Variants in OBSL1 observed in about 807,000 individuals in gnomAD.
The protein encoded by OBSL1 is obscurin like cytoskeletal adaptor 1, also known as obscurin-like protein 1.
Under a neutral mutation model 172.0 loss-of-function variants are expected in OBSL1, and 160 were observed. That is an observed-to-expected ratio of 0.93 (90% CI 0.82 to 1.06). The LOEUF (loss-of-function observed/expected upper bound fraction) is 1.06, where lower values mean the gene tolerates loss of function less well. Among genes scored for constraint, OBSL1 ranks in the 50% least tolerant of loss-of-function variants. The pLI, the probability that OBSL1 is intolerant of heterozygous loss-of-function variation, is 0.00. For synonymous variants in OBSL1, 1,200 were observed against 1,196.3 expected (o/e 1.00, Z -0.06); for missense variants, 2,681 against 2,715.4 (o/e 0.99, Z 0.28).
intron 15 of OBSL1, among the ~76,000 whole-genome samples, chr2:219,553,981 C>T (rs1257393980): frequency 6.6e-6 from 1 of 151,608 alleles, no homozygotes; most frequent in Non-Finnish European, 1.5e-5. Context: ...GCAGAGATGC[C>T]AGTGGAGTGG....
In OBSL1 at chr2:219,552,543, T is replaced by G; in HGVS notation, c.5301A>C (p.Arg1767=). Residue 1767 remains arginine, a synonymous_variant, in exon 18 of 21, where the codon CGA becomes CGC. Transcript: ENST00000404537. ...PLRPGARVRI[R]QEGKKHILVL... ...GTAACCAGGCGGGCAGACCTTCCTG[T>G]CGGATGCGGACGCGGGCTCCGGGTC... 3.1e-6 allele frequency: 5 copies of G among 1,596,246 alleles called. No individual in the cohort carries two copies. The highest frequency in any genetic ancestry group is 4.2e-6 in the Non-Finnish European group (5 of 1,177,734).
rs1574574428 is a variant in OBSL1, at chr2:219,567,553, T to C, written c.1557A>G (p.Gly519=). 1 of 1,609,100 alleles carries C rather than the reference T, an allele frequency of 6.2e-7. No individual in the cohort carries two copies. The change falls in exon 4 of 21, where the codon GGA becomes GGG. Residue 519 remains glycine (G), a synonymous_variant. Transcript: ENST00000404537. ...RVKCVKHSPP[G]PPILAEMFKG... ...TGAACATCTCTGCCAATATGGGGGG[T>C]CCTGGGGGACTGTGCTTGACACCTG...
At chr2:219,550,480 G>A (rs1038323374), downstream of OBSL1, 4 of 271,710 alleles carry the variant, frequency 1.5e-5, no homozygotes, top group South Asian at 7.2e-5. Flanking sequence ...TTAAATGCAC[G>A]GTGCATGTCT....
chr2:219,571,214 C>G lies in OBSL1; in HGVS notation c.19G>C (p.Asp7His). The G allele has an allele frequency of 7.2e-7, 1 of 1,393,812 alleles. No individual in the cohort carries two copies. Among genetic ancestry groups the G allele is most frequent in the Non-Finnish European group, 9.3e-7 (1 of 1,070,440 alleles). 86.3% of individuals were successfully genotyped at this position (1,393,812 alleles called of 1,614,324 possible). A position where few individuals can be genotyped will look rare whatever the true frequency, so the allele number is the denominator to read the frequency against. Residue 7 changes from aspartate (D) to histidine (H), a missense_variant, in exon 1 of 21, where the codon GAT (aspartate) becomes CAT (histidine). Asp to His is a moderately conservative substitution (Grantham distance 81). This residue lies in a region of OBSL1 where 90 missense variants were observed against 76.6 expected (regional missense o/e 1.18). Coordinates refer to ENST00000404537, the MANE Select transcript of OBSL1 (RefSeq NM_015311.3). MKASSG[D>H]QGSPPCFLRF... is the part of the protein sequence containing the mutation. ...AGGAAGCACGGGGGGCTCCCCTGAT[C>G]CCCCGAGCTCGCCTTCATCGCGGCG...
chr2:219,560,713 G>A (rs1178284053), intron 8 of OBSL1, among the ~76,000 whole-genome samples: 1 of 152,198 alleles, frequency 6.6e-6, no homozygotes, highest in Non-Finnish European at 1.5e-5. Flanking sequence ...CCTGCCTTGA[G>A]CCACACAACC....
chr2:219,555,721 C>T, intron 14 of OBSL1: 2 of 1,273,256 alleles, frequency 1.6e-6, no homozygotes, highest in East Asian at 3.3e-5. Flanking sequence ...GTATGTGTAT[C>T]CCTAGAATAC....
At chr2:219,569,422 C>G (rs1697179941) in intron 1 of OBSL1, 1 of 152,146 alleles carries the variant, frequency 6.6e-6, no homozygotes, top group African/African-American at 2.4e-5. Flanking sequence ...TGATGAAATC[C>G]TATTATGGGG....
At position 219,552,557 on chromosome 2, in the gene OBSL1, G is replaced by A. The variant is rs1342706764; in HGVS notation, c.5287C>T (p.Arg1763Cys). The A allele has an allele frequency of 3.1e-6, 5 of 1,596,080 alleles. No homozygotes were observed. The highest frequency in any genetic ancestry group is 4.2e-6 in the Non-Finnish European group (5 of 1,177,570). ...LGGRPLRPGA[R>C]VRIRQEGKKH... ...AGACCTTCCTGTCGGATGCGGACGCGGGCTCCGGGTCTCAGCGGGCGGCCT... is the reference window on the plus strand; with the variant it reads ...AGACCTTCCTGTCGGATGCGGACGCAGGCTCCGGGTCTCAGCGGGCGGCCT... The change falls in exon 18 of 21, where the codon CGC (arginine) becomes TGC (cysteine). Residue 1763 changes from arginine (R) to cysteine (C), a missense_variant. Arg to Cys is a radical substitution (Grantham distance 180). This residue lies in a region of OBSL1 where 1,765 missense variants were observed against 1,748.3 expected (regional missense o/e 1.01). Transcript: ENST00000404537.
At position 219,556,634 on chromosome 2, in the gene OBSL1, G is replaced by A. The variant is rs756152084; in HGVS notation, c.4156C>T (p.Pro1386Ser). The A allele has an allele frequency of 1.2e-6, 2 of 1,613,972 alleles. No homozygotes were observed. Among genetic ancestry groups the A allele is most frequent in the African/African-American group, 1.3e-5 (1 of 75,044 alleles). Residue 1386 changes from proline (P) to serine (S), a missense_variant, in exon 13 of 21, where the codon CCA becomes TCA. Pro to Ser is a moderately conservative substitution (Grantham distance 74). Coordinates refer to ENST00000404537, the MANE Select transcript of OBSL1 (RefSeq NM_015311.3). The part of the protein sequence containing the change: ...DATFRCEVSP[P>S]DADVTWLRNG... ...CGCAGCCAGGTGACATCGGCATCTG[G>A]TGGGGAGACTTCACACCGGAACGTG...
At position 219,559,341 on chromosome 2, in the gene OBSL1, A is replaced by G. The variant is rs746114604; in HGVS notation, c.3110T>C (p.Leu1037Pro). 2 of 1,613,944 alleles carry G rather than the reference A, an allele frequency of 1.2e-6. No homozygotes were observed. Among genetic ancestry groups the G allele is most frequent in the Admixed American group, 1.7e-5 (1 of 60,010 alleles). The change falls in exon 9 of 21, where the codon CTG becomes CCG. Residue 1037 changes from leucine to proline, a missense_variant. Transcript: ENST00000404537. Reference sequence around the variant, plus strand: ...GCGGCAGCGTGGCCCATCCCTCTCCAGCACCAGGGCCTCGCTCTCCTCCAC... The same window carrying G: ...GCGGCAGCGTGGCCCATCCCTCTCCGGCACCAGGGCCTCGCTCTCCTCCAC... The part of the protein sequence containing the change: ...LEVEESEALV[L>P]ERDGPRCRLV...
chr2:219,550,019 G>A, downstream of OBSL1: 2 of 966,902 alleles, frequency 2.1e-6, no homozygotes, highest in Non-Finnish European at 3.0e-6. Context: ...CTTGGCCTGA[G>A]AGGAAAGCCC....
At chr2:219,551,992 A>G (rs1695646106) in intron 19 of OBSL1, 120 bp downstream of exon 19, 4 of 1,097,738 alleles carry the variant, frequency 3.6e-6, no homozygotes, top group Non-Finnish European at 5.4e-6. Context: ...GGCCCAGGAG[A>G]GCCCCTCGGG....
chr2:219,555,179 T>C (rs1200927270), intron 14 of OBSL1: 1 of 167,664 alleles, frequency 6.0e-6, no homozygotes, highest in Non-Finnish European at 1.3e-5. Context: ...ATTGTGATGA[T>C]TTCTTGAATG....
chr2:219,564,829 A>T (rs985493861), intron 6 of OBSL1, among the ~76,000 whole-genome samples: 1 of 152,196 alleles, frequency 6.6e-6, no homozygotes, highest in Admixed American at 6.5e-5. Flanking sequence ...TAATCCCAGC[A>T]TTTTAGAAGG....
intron 14 of OBSL1, 33 bp from the exon 15 acceptor site, chr2:219,554,773 G>A: frequency 6.6e-7 from 1 of 1,515,232 alleles, no homozygotes; most frequent in Non-Finnish European, 8.9e-7. Flanking sequence ...GGGAGGATGA[G>A]GCCTCCAGCT....
intron 8 of OBSL1, among the ~76,000 whole-genome samples, chr2:219,561,337 G>A (rs1696449277): frequency 6.6e-6 from 1 of 152,080 alleles, no homozygotes; most frequent in Non-Finnish European, 1.5e-5. Context: ...GGCGCTGTGA[G>A]CCGTCACCCC....
chr2:219,547,534 T>C (rs8179770), downstream of OBSL1: 1,441,142 of 1,448,254 alleles, frequency 1, 717,293 homozygotes, highest in East Asian at 1. Flanking sequence ...CAGTGCTCTT[T>C]CTCACTGGGT....
At chr2:219,554,828 C>T (rs1332322829) in intron 14 of OBSL1, 88 bp from the exon 15 acceptor site, 4 of 1,399,974 alleles carry the variant, frequency 2.9e-6, no homozygotes, top group East Asian at 5.0e-5. Flanking sequence ...GCCCTGCCTA[C>T]ACCCCTGAAC....
In OBSL1 at chr2:219,570,408, G is replaced by C. The variant is rs1241822464; in HGVS notation, c.825C>G (p.Pro275=). 4 of 1,613,298 alleles carry C rather than the reference G, an allele frequency of 2.5e-6. No homozygotes were observed. The South Asian group carries it at 3.3e-5, about 13-fold the overall frequency. ...GGCCCTCCCAGTGCCATTCGATCTC[G>C]GGCTCGGGCTTGCCCATCACGTAGC... ...FRCYVMGKPE[P]EIEWHWEGRP... is the part of the protein sequence containing the mutation. Residue 275 remains proline (P), a synonymous_variant, in exon 1 of 21, where the codon CCC becomes CCG. Transcript: ENST00000404537.
Sources: gnomAD v4.1 joint callset for allele counts (sites outside exome capture counted in the v4.1 genomes callset) on GRCh38, gnomAD v4.1.1 for gene constraint, gnomAD v4.1.1 regional missense constraint, MANE v1.5 for transcripts, NCBI Gene and HGNC (gene_info 2026-07-23, HGNC 2026-07-21) for gene names.